Variants in C4orf17 observed in about 807,000 individuals in gnomAD.
The protein encoded by C4orf17 is uncharacterized protein C4orf17.
Under a neutral mutation model 32.0 loss-of-function variants are expected in C4orf17, and 25 were observed. The ratio of observed to expected loss-of-function variants is 0.78; its 90% CI spans 0.57 to 1.09. C4orf17 has a LOEUF of 1.09. Ranked by LOEUF, C4orf17 falls within the 50% of genes least tolerant of loss-of-function variation. C4orf17 has a pLI of 0.00. For missense variants in C4orf17, 420 were observed against 420.0 expected, an observed-to-expected ratio of 1.00 and a Z score of 0.00; for synonymous variants, 149 against 145.8, an observed-to-expected ratio of 1.02 and a Z score of -0.16.
At chr4:99,517,317 C>T (rs1723204256) in intron 2 of C4orf17, among the ~76,000 whole-genome samples, 1 of 152,114 alleles carries the variant, frequency 6.6e-6, no homozygotes, top group Non-Finnish European at 1.5e-5. Context: ...ATCACTACAG[C>T]AAGGGGAATG....
Position 99,524,526 on chromosome 4 carries a change from A to G in C4orf17, c.343A>G (p.Ser115Gly), listed in dbSNP as rs762762959. Reference sequence around the variant, plus strand: ...TTTCCTCAATTTTATTTCAGAGCCCAGTAGAAAAATTAAAGAGTGCTTCAA... The same window carrying G: ...TTTCCTCAATTTTATTTCAGAGCCCGGTAGAAAAATTAAAGAGTGCTTCAA... Reference protein sequence around the residue: ...KVPPRPHSEPSRKIKECFKTS... With the variant: ...KVPPRPHSEPGRKIKECFKTS... The change falls in exon 4 of 9, where the codon AGT becomes GGT. Residue 115 changes from serine to glycine, a missense_variant. Ser to Gly is a moderately conservative substitution (Grantham distance 56, BLOSUM62 0). Coordinates refer to ENST00000326581, the MANE Select transcript of C4orf17 (RefSeq NM_032149.3). The G allele has an allele frequency of 3.8e-6, 6 of 1,590,660 alleles. No individual in the cohort carries two copies. Among genetic ancestry groups the G allele is most frequent in the Non-Finnish European group, 5.2e-6 (6 of 1,160,740 alleles).
intron 2 of C4orf17, among the ~76,000 whole-genome samples, chr4:99,520,194 A>G (rs1222264036): frequency 6.7e-6 from 1 of 148,776 alleles, no homozygotes; most frequent in Non-Finnish European, 1.5e-5. Flanking sequence ...GGTTCATGCC[A>G]TTCTCCTGCC....
Position 99,537,673 on chromosome 4 carries a change from T to C in C4orf17, c.551T>C (p.Leu184Pro). ...PNYLDQEIKILAKLCSILHTD... is the reference protein window; with the variant it reads ...PNYLDQEIKIPAKLCSILHTD... The stretch of plus-strand genomic sequence containing the variant: ...AACTCTAATGTTCTCTGTCAGATCC[T>C]GGCAAAGCTCTGTAGCATTTTGCAT... Residue 184 changes from leucine (L) to proline (P), a missense_variant, in exon 6 of 9, where the codon CTG becomes CCG. Coordinates refer to ENST00000326581, the MANE Select transcript of C4orf17 (RefSeq NM_032149.3). 6.2e-7 allele frequency: 1 copy of C among 1,611,100 alleles called. No individual in the cohort carries two copies. Among genetic ancestry groups the C allele is most frequent in the South Asian group, 1.1e-5 (1 of 91,064 alleles).
rs1723615323 is a variant in C4orf17 at position 99,539,306 on chromosome 4, C to T, written c.772C>T (p.Pro258Ser). The part of the protein sequence containing the change: ...TVKSPPTVKL[P>S]PNFTAKSKVL... ...TAAATCACCACCCACAGTTAAATTG[C>T]CCCCAAATTTTACTGCAAAATCAAA... Residue 258 changes from proline (P) to serine (S), a missense_variant, in exon 7 of 9, where the codon CCC (proline) becomes TCC (serine). Transcript: ENST00000326581. 3 of 1,614,048 alleles carry T rather than the reference C, an allele frequency of 1.9e-6. No homozygotes were observed. Among genetic ancestry groups the T allele is most frequent in the Non-Finnish European group, 1.7e-6 (2 of 1,179,940 alleles).
At chr4:99,536,064 CAA>C in intron 5 of C4orf17, 1 of 416,068 alleles carries the variant, frequency 2.4e-6, no homozygotes, top group Admixed American at 2.8e-5. Flanking sequence ...GTGAGAGTTG[CAA>C]GACAGCAAAG....
At chr4:99,518,540 T>TAGAGAG (rs1560585526) in intron 2 of C4orf17, among the ~76,000 whole-genome samples, 7 of 68,806 alleles carry the variant, frequency 1.0e-4, no homozygotes, top group Non-Finnish European at 1.8e-4. Context: ...TATATATATA[T>TAGAGAG]ATATAGAGAG....
intron 2 of C4orf17, among the ~76,000 whole-genome samples, chr4:99,516,629 G>A (rs1014143789): frequency 6.6e-6 from 1 of 152,200 alleles, no homozygotes; most frequent in African/African-American, 2.4e-5. Flanking sequence ...AAACAAGTAA[G>A]GCAAAGAGAA....
intron 1 of C4orf17, among the ~76,000 whole-genome samples, chr4:99,512,168 T>C (rs1723103360): frequency 6.6e-6 from 1 of 152,206 alleles, no homozygotes; most frequent in Admixed American, 6.5e-5. Context: ...TGGTTATAAA[T>C]AAAATGTGTA....
intron 2 of C4orf17, among the ~76,000 whole-genome samples, chr4:99,516,715 G>A (rs920347013): frequency 6.6e-6 from 1 of 152,160 alleles, no homozygotes; most frequent in Non-Finnish European, 1.5e-5. Context: ...AGGAGGGAAG[G>A]GATAATGGGA....
At position 99,542,105 on chromosome 4, in the gene C4orf17, G is replaced by A. The variant is rs1723658575; in HGVS notation, c.1076G>A (p.Arg359Lys). Residue 359 changes from arginine (R) to lysine (K), a missense_variant, in exon 9 of 9, where the codon AGG becomes AAG. Coordinates refer to ENST00000326581, the MANE Select transcript of C4orf17 (RefSeq NM_032149.3). ...QRACYPSTHR[R>K] ...GCATGTTATCCTTCAACACACCGGA[G>A]GTAGAAGTTCTAGACTGGGTGAATT... 6.2e-7 allele frequency: 1 copy of A among 1,612,826 alleles called. No individual in the cohort carries two copies. Among genetic ancestry groups the A allele is most frequent in the Non-Finnish European group, 8.5e-7 (1 of 1,179,230 alleles).
At chr4:99,512,101 T>C (rs1189239043) in intron 1 of C4orf17, among the ~76,000 whole-genome samples, 1 of 152,150 alleles carries the variant, frequency 6.6e-6, no homozygotes, top group Non-Finnish European at 1.5e-5. Context: ...GATCAATTTC[T>C]AGAACATGAA....
Position 99,513,214 on chromosome 4 carries a change from G to A in C4orf17, c.127+6G>A. On this transcript the variant is annotated splice_donor_region_variant and intron_variant, in intron 2 of 8. Coordinates refer to ENST00000326581, the MANE Select transcript of C4orf17 (RefSeq NM_032149.3). ...AAGAGTCTGCCACATCAAAGGTAAG[G>A]TGACTTAAGGTCCTAGTATGTGTCT... is the stretch of plus-strand genomic sequence containing the variant. 1 of 1,613,690 alleles carries A rather than the reference G, an allele frequency of 6.2e-7. No homozygotes were observed. Among genetic ancestry groups the A allele is most frequent in the Non-Finnish European group, 8.5e-7 (1 of 1,179,722 alleles).
In C4orf17 at chr4:99,524,537, TAA is replaced by T. The variant is rs1723354376; in HGVS notation, c.356_357del (p.Lys119ArgfsTer8). 11 of 1,602,360 alleles carry T rather than the reference TAA, an allele frequency of 6.9e-6. No homozygotes were observed. Among genetic ancestry groups the T allele is most frequent in the Non-Finnish European group, 6.0e-6 (7 of 1,171,062 alleles). Reference protein sequence around the residue: ...RPHSEPSRKIKECFKTSSENP... With the variant: ...RPHSEPSRKIXECFKTSSENP... The stretch of plus-strand genomic sequence containing the variant: ...TTATTTCAGAGCCCAGTAGAAAAAT[TAA>T]AGAGTGCTTCAAAACTTCCAGTGAG... On this transcript the variant is annotated frameshift_variant, in exon 4 of 9. Transcript: ENST00000326581. LOFTEE classifies it high-confidence loss of function.
chr4:99,532,152 A>G (rs1723487390), intron 5 of C4orf17, among the ~76,000 whole-genome samples: 1 of 152,178 alleles, frequency 6.6e-6, no homozygotes, highest in Non-Finnish European at 1.5e-5. Context: ...TTCTCTAGGA[A>G]CTATAAATAG....
intron 2 of C4orf17, among the ~76,000 whole-genome samples, chr4:99,517,064 G>A (rs187322226): frequency 4.3e-4 from 65 of 152,258 alleles, no homozygotes; most frequent in African/African-American, 1.5e-3. Flanking sequence ...GCTTCTCTCT[G>A]TCTTCCACAA....
At position 99,522,482 on chromosome 4, in the gene C4orf17, TAATCTTTACTC is replaced by T; in HGVS notation, c.128-16_128-6del. 6.3e-7 allele frequency: 1 copy of T among 1,595,440 alleles called. No homozygotes were observed. Among genetic ancestry groups the T allele is most frequent in the Non-Finnish European group, 8.6e-7 (1 of 1,165,938 alleles). On this transcript the variant is annotated splice_region_variant and splice_polypyrimidine_tract_variant and intron_variant, in intron 2 of 8. Transcript: ENST00000326581. ...TGGTTGCTTGATCTGTCTCTTTTTT[TAATCTTTACTC>T]ACCTAGGCTTGAATAACATTCCAAT...
At chr4:99,534,444 C>T (rs1723527835) in intron 5 of C4orf17, among the ~76,000 whole-genome samples, 1 of 152,050 alleles carries the variant, frequency 6.6e-6, no homozygotes, top group African/African-American at 2.4e-5. Flanking sequence ...TGAACATATG[C>T]ATGCATATAT....
In C4orf17 at chr4:99,540,472, G is replaced by A. The variant is rs1317614729; in HGVS notation, c.880+17G>A. ...TACCAAAAGGTTAAGTACAGTTTTT[G>A]GTAACTATTGAGTTGGTATAAAGAA... On this transcript the variant is annotated intron_variant, in intron 8 of 8. Transcript: ENST00000326581. 6.3e-7 allele frequency: 1 copy of A among 1,584,166 alleles called. No homozygotes were observed. Among genetic ancestry groups the A allele is most frequent in the African/African-American group, 1.3e-5 (1 of 74,206 alleles).
chr4:99,524,198 G>A (rs1430010132), intron 3 of C4orf17, among the ~76,000 whole-genome samples: 1 of 151,912 alleles, frequency 6.6e-6, no homozygotes, highest in South Asian at 2.1e-4. Flanking sequence ...AGCCAGGATG[G>A]TCTCGATCTC....
Sources: gnomAD v4.1 joint callset for allele counts (sites outside exome capture counted in the v4.1 genomes callset) on GRCh38, gnomAD v4.1.1 for gene constraint, MANE v1.5 for transcripts, NCBI Gene and HGNC (gene_info 2026-07-23, HGNC 2026-07-21) for gene names.